The following GALNT13 variants were observed in gnomAD, a reference collection of about 807,000 sequenced individuals.
The protein encoded by GALNT13 is UDP-GalNAc:polypeptide N-acetylgalactosaminyltransferase 13.
In GALNT13, 28 loss-of-function variants were observed where a neutral mutation model predicts 64.2. That is an observed-to-expected ratio of 0.44 (90% CI 0.32 to 0.60). The LOEUF (loss-of-function observed/expected upper bound fraction) is 0.60, where lower values mean the gene tolerates loss of function less well. Among genes scored for constraint, GALNT13 ranks in the 20% least tolerant of loss-of-function variants. The pLI is 0.05. For synonymous variants in GALNT13, 214 were observed against 224.6 expected (o/e 0.95, Z 0.42); for missense variants, 577 against 669.8 (o/e 0.86, Z 1.53).
At chr2:153,518,255 GC>G in the GALNT13 span, among the ~76,000 whole-genome samples, 2 of 151,982 alleles carry the variant, frequency 1.3e-5, no homozygotes, top group African/African-American at 4.8e-5. Context: ...TTTCTTCGTA[GC>G]CCTTATCATA....
At chr2:153,398,125 A>G in the GALNT13 span, among the ~76,000 whole-genome samples, 1 of 122,604 alleles carries the variant, frequency 8.2e-6, no homozygotes, top group Admixed American at 1.1e-4. Flanking sequence ...TCCTGTGTCC[A>G]TGAGATCTCA....
intron 11 of GALNT13, among the ~76,000 whole-genome samples, chr2:154,414,413 T>G (rs1699916545): frequency 6.6e-6 from 1 of 152,038 alleles, no homozygotes; most frequent in Non-Finnish European, 1.5e-5. Context: ...AACCTAAGTC[T>G]GATTCCACAC....
Position 154,208,072 on chromosome 2 carries a change from A to G in GALNT13, c.312-33958A>G, listed in dbSNP as rs567537846. On this transcript the variant is annotated intron_variant, in intron 4 of 12. Transcript: ENST00000392825. Reference sequence around the variant, plus strand: ...CTAAGAAGGATGTTATCAATTTTTCATAAGTTCCAGTTAGATCAAAGAGGA... The same window carrying G: ...CTAAGAAGGATGTTATCAATTTTTCGTAAGTTCCAGTTAGATCAAAGAGGA... Among the ~76,000 whole-genome samples, 7 of 152,310 alleles carry G rather than the reference A, an allele frequency of 4.6e-5. No homozygotes were observed. In the East Asian group the frequency reaches 1.4e-3, roughly 29 times the overall value.
chr2:153,345,689 T>TTCTTTCTTTCTTTCTTTCTTTC, the GALNT13 span, among the ~76,000 whole-genome samples: 9 of 137,716 alleles, frequency 6.5e-5, no homozygotes, highest in African/African-American at 2.4e-4. Context: ...CTTTCTTTCT[T>TTCTTTCTTTCTTTCTTTCTTTC]TCTTTCTTTC....
chr2:153,734,803 G>A, the GALNT13 span, among the ~76,000 whole-genome samples: 293 of 152,182 alleles, frequency 1.9e-3, 1 homozygote, highest in African/African-American at 6.0e-3. Flanking sequence ...GGCCTAATTC[G>A]TAGTTGAACA....
At chr2:153,508,144 T>C in the GALNT13 span, among the ~76,000 whole-genome samples, 1 of 152,180 alleles carries the variant, frequency 6.6e-6, no homozygotes, top group Non-Finnish European at 1.5e-5. Context: ...TTTGTGTTGG[T>C]TGGCCTCCAG....
intron 3 of GALNT13, among the ~76,000 whole-genome samples, chr2:153,968,283 C>A (rs1693507962): frequency 6.6e-6 from 1 of 152,212 alleles, no homozygotes; most frequent in Admixed American, 6.5e-5. Flanking sequence ...ACCTCTCAGA[C>A]CCAGTGGTGT....
At chr2:154,210,379 G>C (rs1053565103) in intron 4 of GALNT13, among the ~76,000 whole-genome samples, 4 of 152,138 alleles carry the variant, frequency 2.6e-5, no homozygotes, top group Non-Finnish European at 5.9e-5. Context: ...TTATATGGTA[G>C]TTCTATATGT....
intron 8 of GALNT13, among the ~76,000 whole-genome samples, chr2:154,274,577 T>G (rs1245899890): frequency 2.0e-5 from 3 of 152,122 alleles, no homozygotes; most frequent in Non-Finnish European, 4.4e-5. Context: ...TTGGCATTTC[T>G]CCTTGCTGCT....
the GALNT13 span, among the ~76,000 whole-genome samples, chr2:153,388,250 G>A: frequency 6.6e-6 from 1 of 152,014 alleles, no homozygotes; most frequent in Non-Finnish European, 1.5e-5. Context: ...CATTAATCCA[G>A]ACAAATGGTA....
chr2:153,379,054 C>T, the GALNT13 span, among the ~76,000 whole-genome samples: 2 of 152,156 alleles, frequency 1.3e-5, no homozygotes, highest in East Asian at 3.9e-4. Flanking sequence ...ACCTTAGATC[C>T]TGGAGTGGGG....
chr2:154,191,148 C>T (rs1290636523), intron 4 of GALNT13, among the ~76,000 whole-genome samples: 1 of 152,134 alleles, frequency 6.6e-6, no homozygotes, highest in South Asian at 2.1e-4. Context: ...AACAAGGCTG[C>T]CTGCTCTAAT....
chr2:153,431,616 A>G, the GALNT13 span, among the ~76,000 whole-genome samples: 1 of 152,330 alleles, frequency 6.6e-6, no homozygotes, highest in South Asian at 2.1e-4. Flanking sequence ...CTAGGCTTCT[A>G]GCCCCTCATT....
the GALNT13 span, among the ~76,000 whole-genome samples, chr2:153,564,202 A>AT: frequency 0.23 from 33,735 of 146,224 alleles, 4,144 homozygotes; most frequent in Non-Finnish European, 0.29. Flanking sequence ...TTATATATAT[A>AT]TTTTTTTTAC....
At chr2:154,356,043 G>C (rs1317346480) in intron 9 of GALNT13, among the ~76,000 whole-genome samples, 1 of 151,954 alleles carries the variant, frequency 6.6e-6, no homozygotes, top group African/African-American at 2.4e-5. Flanking sequence ...ATTTAGGTCT[G>C]ATATTGCTAA....
the GALNT13 span, among the ~76,000 whole-genome samples, chr2:153,866,897 C>G: frequency 1.3e-5 from 2 of 152,034 alleles, no homozygotes; most frequent in Admixed American, 1.3e-4. Context: ...GCTTCTATGA[C>G]CAAATATTTA....
Position 153,947,277 on chromosome 2 carries a change from T to G in GALNT13, c.142+2638T>G, listed in dbSNP as rs144391246. ...CAAGGCTCCCACCTGCCATGGAGCT[T>G]AAAGTCAAATATATAGTAAACATTT... is the stretch of plus-strand genomic sequence containing the variant. On this transcript the variant is annotated intron_variant, in intron 3 of 12. Transcript: ENST00000392825. Among the ~76,000 whole-genome samples, 13 of 152,150 alleles carry G rather than the reference T, an allele frequency of 8.5e-5. 1 individual carries two copies. In the East Asian group the frequency reaches 2.3e-3, roughly 27 times the overall value.
At chr2:153,929,956 G>A (rs1690402170) in intron 2 of GALNT13, among the ~76,000 whole-genome samples, 1 of 152,100 alleles carries the variant, frequency 6.6e-6, no homozygotes, top group African/African-American at 2.4e-5. Context: ...CTAATTTACA[G>A]TCTTATTAGC....
intron 2 of GALNT13, among the ~76,000 whole-genome samples, chr2:153,914,826 T>C (rs967668364): frequency 2.0e-5 from 3 of 152,160 alleles, no homozygotes; most frequent in African/African-American, 7.2e-5. Context: ...CATGTTTGCA[T>C]AGGGGAGGAA....
Sources: allele counts gnomAD v4.1 joint callset (sites outside exome capture counted in the v4.1 genomes callset), GRCh38; gene constraint gnomAD v4.1.1; transcripts MANE v1.5; gene names NCBI Gene and HGNC (gene_info 2026-07-23, HGNC 2026-07-21).